The following DOT1L variants were observed in gnomAD, a reference collection of about 807,000 sequenced individuals.
The protein encoded by DOT1L is DOT1 like histone lysine methyltransferase, also known as histone-lysine N-methyltransferase, H3 lysine-79 specific.
A neutral mutation model predicts 153.3 loss-of-function variants in DOT1L; 33 were observed. That is an observed-to-expected ratio of 0.22 (90% CI 0.16 to 0.29). DOT1L has a LOEUF of 0.29. Ranked by LOEUF, DOT1L falls within the 10% of genes least tolerant of loss-of-function variation. DOT1L has a pLI of 1.00. For missense variants in DOT1L, 1,847 were observed against 2,119.9 expected (o/e 0.87, Z 2.53); for synonymous variants, 1,135 against 965.1 (o/e 1.18, Z -3.26).
intron 9 of DOT1L, 69 bp downstream of exon 9, chr19:2,202,848 G>A (rs542344575): frequency 3.3e-5 from 51 of 1,537,870 alleles, no homozygotes; most frequent in East Asian, 3.2e-4. Flanking sequence ...GGAGGTCCCC[G>A]CAGGGTGTCC....
rs1189680479 is a variant in DOT1L at position 2,204,141 on chromosome 19, C to G, written c.787+1362C>G. On this transcript the variant is annotated intron_variant, in intron 9 of 27. Coordinates refer to ENST00000398665, the MANE Select transcript of DOT1L (RefSeq NM_032482.3). The surrounding 1 kb of genome is among the most constrained non-coding windows in gnomAD (Gnocchi z 5.7). ...TGTGTCTCTGTGCATGCCTGTGTCTCTGTGTGTGCCCGTGTGCCTGTGTGT... is the reference window on the plus strand; with the variant it reads ...TGTGTCTCTGTGCATGCCTGTGTCTGTGTGTGTGCCCGTGTGCCTGTGTGT... 6.6e-6 allele frequency among the ~76,000 whole-genome samples: 1 copy of G among 151,156 alleles called. No homozygotes were observed. The highest frequency in any genetic ancestry group is 1.5e-5 in the Non-Finnish European group (1 of 67,690).
Position 2,217,671 on chromosome 19 carries a change from G to A in DOT1L, c.2545-101G>A, listed in dbSNP as rs1464901090. On this transcript the variant is annotated intron_variant, in intron 21 of 27. Coordinates refer to ENST00000398665, the MANE Select transcript of DOT1L (RefSeq NM_032482.3). This position sits in a 1 kb window ranked among gnomAD's most constrained non-coding sequence, Gnocchi z 7.3. ...GCAGGGCCTTGGCAGCGTGGGGGCCGCCTTGAGAGAGCTGTAGCAGGCCCC... is the reference window on the plus strand; with the variant it reads ...GCAGGGCCTTGGCAGCGTGGGGGCCACCTTGAGAGAGCTGTAGCAGGCCCC... 41 of 1,480,404 alleles carry A rather than the reference G, an allele frequency of 2.8e-5. No individual in the cohort carries two copies. The highest frequency in any genetic ancestry group is 3.4e-5 in the Non-Finnish European group (38 of 1,104,366). 91.7% of individuals were successfully genotyped at this position (1,480,404 alleles called of 1,614,324 possible). A position where few individuals can be genotyped will look rare whatever the true frequency, so the allele number is the denominator to read the frequency against.
At chr19:2,172,435 C>T (rs1338545666) in intron 1 of DOT1L, among the ~76,000 whole-genome samples, 5 of 151,396 alleles carry the variant, frequency 3.3e-5, no homozygotes, top group African/African-American at 7.3e-5. Context: ...ATGATCCACC[C>T]GCCTTGGGCT....
At chr19:2,174,810 T>G (rs1336988694) in intron 1 of DOT1L, among the ~76,000 whole-genome samples, 2 of 148,734 alleles carry the variant, frequency 1.3e-5, no homozygotes, top group East Asian at 1.9e-4. Context: ...AAGCAAAAAC[T>G]TTTTTTGAAG....
At position 2,230,400 on chromosome 19, in the gene DOT1L, C is replaced by T. The variant is rs2024547691; in HGVS notation, c.*608C>T. 5.0e-6 allele frequency: 2 copies of T among 402,830 alleles called. No individual in the cohort carries two copies. The highest frequency in any genetic ancestry group is 4.4e-6 in the Non-Finnish European group (1 of 228,996). The allele number at this position is 402,830 out of a possible 1,614,324, so 25.0% of individuals were successfully genotyped here. On this transcript the variant is annotated 3_prime_UTR_variant, in exon 28 of 28. Transcript: ENST00000398665. ...TCACCTTTACCCCGGCACTGTGAAC[C>T]CCCAGACTGTTCACCCTCCGGGGCG...
rs2022262197 is a variant in DOT1L at position 2,181,997 on chromosome 19, GA to G, written c.125+1242del. Among the ~76,000 whole-genome samples, 3 of 152,098 alleles carry G rather than the reference GA, an allele frequency of 2.0e-5. No homozygotes were observed. In the South Asian group the frequency reaches 6.2e-4, roughly 32 times the overall value. On this transcript the variant is annotated intron_variant, in intron 2 of 27. Coordinates refer to ENST00000398665, the MANE Select transcript of DOT1L (RefSeq NM_032482.3). ...CAGCGCTTTGGAAGGCCAAGGCAGG[GA>G]GATCGCTTGAGGCCAGGAGTTCGAG...
Position 2,193,344 on chromosome 19 carries a change from G to A in DOT1L, c.494-345G>A, listed in dbSNP as rs1053159291. Among the ~76,000 whole-genome samples, 6 of 152,182 alleles carry A rather than the reference G, an allele frequency of 3.9e-5. No homozygotes were observed. Among genetic ancestry groups the A allele is most frequent in the Non-Finnish European group, 7.3e-5 (5 of 68,028 alleles). ...GACGTGGGGATAATTTGAGGTGGAC[G>A]GCAGCCTTTCCAGACCTGCAAAGTC... On this transcript the variant is annotated intron_variant, in intron 5 of 27. Coordinates refer to ENST00000398665, the MANE Select transcript of DOT1L (RefSeq NM_032482.3). The surrounding 1 kb of genome is among the most constrained non-coding windows in gnomAD (Gnocchi z 5.9).
At chr19:2,164,365 C>A (rs1005856873) in intron 1 of DOT1L, 100 bp downstream of exon 1, 2 of 795,436 alleles carry the variant, frequency 2.5e-6, no homozygotes, top group Non-Finnish European at 3.3e-6. Flanking sequence ...CCGGTCCCCC[C>A]TGCGGAACGG....
At chr19:2,229,428 C>T (rs1371949004) in intron 27 of DOT1L, 30 of 985,356 alleles carry the variant, frequency 3.0e-5, no homozygotes, top group Non-Finnish European at 3.5e-5. Flanking sequence ...GAGGCTGTGG[C>T]CAGGGCTGGT....
intron 15 of DOT1L, 76 bp from the exon 16 acceptor site, chr19:2,211,675 C>T: frequency 2.2e-6 from 3 of 1,337,422 alleles, no homozygotes; most frequent in Non-Finnish European, 2.1e-6. Flanking sequence ...GGGACTCGTT[C>T]TCAAGGGCTG....
At position 2,217,306 on chromosome 19, in the gene DOT1L, C is replaced by T. The variant is rs1172982250; in HGVS notation, c.2544+216C>T. Among the ~76,000 whole-genome samples, 1 of 152,144 alleles carries T rather than the reference C, an allele frequency of 6.6e-6. No homozygotes were observed. The highest frequency in any genetic ancestry group is 2.4e-5 in the African/African-American group (1 of 41,424). ...GTGCCATGGAGGACATGGGGTTTGT[C>T]AGGGTGTCCCTGATGCCTCTTAGTT... On this transcript the variant is annotated intron_variant, in intron 21 of 27. Coordinates refer to ENST00000398665, the MANE Select transcript of DOT1L (RefSeq NM_032482.3). The surrounding 1 kb of genome is among the most constrained non-coding windows in gnomAD (Gnocchi z 7.3).
At position 2,222,626 on chromosome 19, in the gene DOT1L, C is replaced by T. The variant is rs111420123; in HGVS notation, c.3390+67C>T. 192 of 1,425,710 alleles carry T rather than the reference C, an allele frequency of 1.3e-4. No individual in the cohort carries two copies. In the African/African-American group the frequency reaches 1.8e-3, roughly 14 times the overall value. 88.3% of individuals were successfully genotyped at this position (1,425,710 alleles called of 1,614,324 possible). A position where few individuals can be genotyped will look rare whatever the true frequency, so the allele number is the denominator to read the frequency against. Reference sequence around the variant, plus strand: ...AAAGAAAGACCAGAGGGAGACCGGGCGCGGTGGCTCACGCCTGTAATCCCA... The same window carrying T: ...AAAGAAAGACCAGAGGGAGACCGGGTGCGGTGGCTCACGCCTGTAATCCCA... On this transcript the variant is annotated intron_variant, in intron 24 of 27. Coordinates refer to ENST00000398665, the MANE Select transcript of DOT1L (RefSeq NM_032482.3). The surrounding 1 kb of genome is among the most constrained non-coding windows in gnomAD (Gnocchi z 6.5).
chr19:2,229,910 C>T lies in DOT1L; in HGVS notation c.*118C>T, dbSNP rs1030419068. On this transcript the variant is annotated 3_prime_UTR_variant, in exon 28 of 28. Transcript: ENST00000398665. The stretch of plus-strand genomic sequence containing the variant: ...CCTGGACGGCAGAGGCAAGGACGGA[C>T]GGGAGCTCCACTGTGAATCGGCGGC... The T allele has an allele frequency of 2.7e-5, 42 of 1,581,826 alleles. No homozygotes were observed. The South Asian group carries it at 2.8e-4, about 10-fold the overall frequency.
Position 2,230,801 on chromosome 19 carries a change from G to A in DOT1L, c.*1009G>A, listed in dbSNP as rs11881848. ...ACAAAATGGCCCCAGCGTCAGCCCC[G>A]ACCCTAGACCCCTCAGTTGCAGCTC... On this transcript the variant is annotated 3_prime_UTR_variant, in exon 28 of 28. Transcript: ENST00000398665. 1.1e-3 allele frequency: 408 copies of A among 384,064 alleles called. 1 individual carries two copies. The highest frequency in any genetic ancestry group is 7.7e-3 in the African/African-American group (374 of 48,502). The allele number at this position is 384,064 out of a possible 1,614,324, so 23.8% of individuals were successfully genotyped here.
rs2023558463 is a variant in DOT1L, at chr19:2,207,740, C to CA, written c.963+61dup. On this transcript the variant is annotated intron_variant, in intron 11 of 27. Coordinates refer to ENST00000398665, the MANE Select transcript of DOT1L (RefSeq NM_032482.3). The surrounding 1 kb of genome is among the most constrained non-coding windows in gnomAD (Gnocchi z 4.5). Reference sequence around the variant, plus strand: ...TCCTGGTCTTCCACCCCGCCCACGTCACACTGCTCTCTCCTTTCTCATGTG... The same window carrying CA: ...TCCTGGTCTTCCACCCCGCCCACGTCAACACTGCTCTCTCCTTTCTCATGTG... 2 of 1,431,516 alleles carry CA rather than the reference C, an allele frequency of 1.4e-6. No homozygotes were observed. The allele number at this position is 1,431,516 out of a possible 1,614,324, so 88.7% of individuals were successfully genotyped here.
chr19:2,229,851 G>C lies in DOT1L; in HGVS notation c.*59G>C. The C allele has an allele frequency of 6.2e-7, 1 of 1,611,984 alleles. No individual in the cohort carries two copies. The highest frequency in any genetic ancestry group is 8.5e-7 in the Non-Finnish European group (1 of 1,179,832). On this transcript the variant is annotated 3_prime_UTR_variant, in exon 28 of 28. Transcript: ENST00000398665. ...ACGGTGTGGACCAACTCGCGCCCGCGGCATGGTGCCCGCCGGCCTGCCGGG... is the reference window on the plus strand; with the variant it reads ...ACGGTGTGGACCAACTCGCGCCCGCCGCATGGTGCCCGCCGGCCTGCCGGG...
In DOT1L at chr19:2,211,151, G is replaced by A. The variant is rs769111582; in HGVS notation, c.1404G>A (p.Gln468=). ...TCTACCAGCTACCTCCGAGCGTGCA[G>A]CGGCACTCCCCCAACCCGCTGCTGG... is the stretch of plus-strand genomic sequence containing the variant. ...SPFYQLPPSV[Q]RHSPNPLLVA... Residue 468 remains glutamine (Q), a synonymous_variant, in exon 15 of 28, where the codon CAG becomes CAA. Coordinates refer to ENST00000398665, the MANE Select transcript of DOT1L (RefSeq NM_032482.3). 1.2e-5 allele frequency: 20 copies of A among 1,612,988 alleles called. No homozygotes were observed. The highest frequency in any genetic ancestry group is 4.4e-5 in the South Asian group (4 of 91,058).
chr19:2,217,113 CG>C lies in DOT1L; in HGVS notation c.2544+26del, dbSNP rs757285543. ...AAGGTGCGGGCCGCGACCCCTGCCC[CG>C]GGCTCAGGGAGGTGCTCAGCAGAGG... On this transcript the variant is annotated intron_variant, in intron 21 of 27. Transcript: ENST00000398665. The surrounding 1 kb of genome is among the most constrained non-coding windows in gnomAD (Gnocchi z 7.3). 25 of 1,567,438 alleles carry C rather than the reference CG, an allele frequency of 1.6e-5. 1 individual carries two copies. The highest frequency in any genetic ancestry group is 2.1e-5 in the Non-Finnish European group (24 of 1,154,874).
chr19:2,185,596 C>A (rs543542012), intron 2 of DOT1L, among the ~76,000 whole-genome samples: 1 of 152,188 alleles, frequency 6.6e-6, no homozygotes, highest in East Asian at 1.9e-4. Flanking sequence ...TGGCCTAACC[C>A]GGTCTCTACT....
Sources: allele counts gnomAD v4.1 joint callset (sites outside exome capture counted in the v4.1 genomes callset), GRCh38; gene constraint gnomAD v4.1.1; non-coding constraint Gnocchi (gnomAD v3.1); transcripts MANE v1.5; gene names NCBI Gene and HGNC (gene_info 2026-07-23, HGNC 2026-07-21).